The following MKX variants were observed in gnomAD, a reference collection of about 807,000 sequenced individuals.
The protein encoded by MKX is mohawk homeobox, also known as homeobox protein Mohawk.
In MKX, 13 loss-of-function variants were observed where a neutral mutation model predicts 36.0. That is an observed-to-expected ratio of 0.36 (90% CI 0.24 to 0.57). MKX has a LOEUF of 0.57. Among genes scored for constraint, MKX ranks in the 20% least tolerant of loss-of-function variants. The probability of loss-of-function intolerance (pLI) is 0.79; values close to 1 mark genes in which losing one functional copy is unlikely to be tolerated. For missense variants in MKX, 458 were observed against 456.4 expected (o/e 1.00, Z -0.03); for synonymous variants, 176 against 178.3 (o/e 0.99, Z 0.10).
chr10:27,737,092 G>T (rs1356696387), intron 3 of MKX, among the ~76,000 whole-genome samples: 1 of 152,130 alleles, frequency 6.6e-6, no homozygotes, highest in Non-Finnish European at 1.5e-5. Flanking sequence ...TAGCGGAAAA[G>T]AACTACACAT....
chr10:27,724,791 A>ACACACACACCCCC (rs775804611), intron 5 of MKX, among the ~76,000 whole-genome samples: 1 of 147,774 alleles, frequency 6.8e-6, no homozygotes, highest in South Asian at 2.2e-4. Context: ...ACACACACAC[A>ACACACACACCCCC]CCCCGCAGAA....
intron 3 of MKX, among the ~76,000 whole-genome samples, chr10:27,738,446 T>A (rs1834824755): frequency 6.6e-6 from 1 of 152,082 alleles, no homozygotes; most frequent in African/African-American, 2.4e-5. Flanking sequence ...CTTCAAATTG[T>A]ATTTTACATG....
intron 5 of MKX, among the ~76,000 whole-genome samples, chr10:27,678,515 A>G (rs1225577499): frequency 2.0e-5 from 3 of 152,244 alleles, no homozygotes; most frequent in African/African-American, 4.8e-5. Flanking sequence ...GCCATCTCAC[A>G]TAGGCGAAGG....
chr10:27,684,547 T>A lies in MKX; in HGVS notation c.839-8993A>T, dbSNP rs1836309808. Among the ~76,000 whole-genome samples the A allele has an allele frequency of 3.3e-5, 5 of 152,202 alleles. No homozygotes were observed. In the South Asian group the frequency reaches 1.0e-3, roughly 31 times the overall value. ...TTAAAAAGGCATAATTCTGGACATG[T>A]GTTATAACCTGCATTTTCTACTGAA... On this transcript the variant is annotated intron_variant, in intron 5 of 6. Coordinates refer to ENST00000419761, the MANE Select transcript of MKX (RefSeq NM_173576.3).
At chr10:27,686,444 AGGAAAG>A (rs1836355227) in intron 5 of MKX, among the ~76,000 whole-genome samples, 1 of 130,668 alleles carries the variant, frequency 7.7e-6, no homozygotes, top group South Asian at 2.5e-4. Flanking sequence ...GAAGGAAGGA[AGGAAAG>A]AGGGGGAAGA....
chr10:27,714,009 C>CAAAAAAAAAAAAAA lies in MKX; in HGVS notation c.838+20433_838+20446dup, dbSNP rs10632508. Among the ~76,000 whole-genome samples the CAAAAAAAAAAAAAA allele has an allele frequency of 2.0e-5, 2 of 102,524 alleles. 1 individual carries two copies. The highest frequency in any genetic ancestry group is 4.2e-5 in the Non-Finnish European group (2 of 47,636). The allele number at this position is 102,524 out of a possible 152,430, so 67.3% of individuals were successfully genotyped here. A position where few individuals can be genotyped will look rare whatever the true frequency, so the allele number is the denominator to read the frequency against. ...GAGTACAGCAAATTTGTGCAAAGAC[C>CAAAAAAAAAAAAAA]AAAAAAAAAAAAAAAAAAAAGAGGC... On this transcript the variant is annotated intron_variant, in intron 5 of 6. Transcript: ENST00000419761.
At chr10:27,723,281 A>G (rs1055796786) in intron 5 of MKX, among the ~76,000 whole-genome samples, 2 of 152,168 alleles carry the variant, frequency 1.3e-5, no homozygotes, top group African/African-American at 4.8e-5. Context: ...ATATTTCTAA[A>G]AAGGTCTAAA....
In MKX at chr10:27,741,540, G is replaced by C. The variant is rs202170286; in HGVS notation, c.189-36C>G. 7.2e-6 allele frequency: 11 copies of C among 1,535,928 alleles called. No individual in the cohort carries two copies. The East Asian group carries it at 2.1e-4, about 30-fold the overall frequency. On this transcript the variant is annotated intron_variant, in intron 2 of 6. Coordinates refer to ENST00000419761, the MANE Select transcript of MKX (RefSeq NM_173576.3). The surrounding 1 kb of genome is among the most constrained non-coding windows in gnomAD (Gnocchi z 5.1). ...GGGAGAGGAGGCGGCCCTGGTGAGC[G>C]ACGCGTTTGCCCGCCCGGACGCTCC... is the stretch of plus-strand genomic sequence containing the variant.
chr10:27,699,820 G>C (rs965132615), intron 5 of MKX, among the ~76,000 whole-genome samples: 1 of 152,008 alleles, frequency 6.6e-6, no homozygotes, highest in African/African-American at 2.4e-5. Flanking sequence ...TTGTTAATTT[G>C]AAACAAAAAA....
In MKX at chr10:27,743,354, G is replaced by A; in HGVS notation, c.62C>T (p.Ser21Leu). 3.2e-6 allele frequency: 5 copies of A among 1,580,516 alleles called. No individual in the cohort carries two copies. Among genetic ancestry groups the A allele is most frequent in the Non-Finnish European group, 4.3e-6 (5 of 1,166,010 alleles). Reference sequence around the variant, plus strand: ...GGGCCGGCCACCCCGCTCCCGCTCCGAGGCGCCTCCGTCCTCAAACAGCAC... The same window carrying A: ...GGGCCGGCCACCCCGCTCCCGCTCCAAGGCGCCTCCGTCCTCAAACAGCAC... ...GAVLFEDGGA[S>L]ERERGGRPYS... The change falls in exon 2 of 7, where the codon TCG becomes TTG. Residue 21 changes from serine (S) to leucine (L), a missense_variant. By Grantham distance (145) the Ser-to-Leu change is moderately radical. This residue lies in a region of MKX where 149 missense variants were observed against 114.3 expected (regional missense o/e 1.30). Transcript: ENST00000419761.
chr10:27,684,361 T>G (rs1423428454), intron 5 of MKX, among the ~76,000 whole-genome samples: 1 of 152,058 alleles, frequency 6.6e-6, no homozygotes, highest in Non-Finnish European at 1.5e-5. Context: ...CACACACATA[T>G]ATAAATATAG....
Position 27,676,380 on chromosome 10 carries a change from CT to C in MKX, c.839-827del, listed in dbSNP as rs1176984277. Among the ~76,000 whole-genome samples the C allele has an allele frequency of 3.5e-3, 446 of 127,748 alleles. 2 individuals carry two copies. Among genetic ancestry groups the C allele is most frequent in the African/African-American group, 8.8e-3 (266 of 30,348 alleles). 83.8% of individuals were successfully genotyped at this position (127,748 alleles called of 152,430 possible). The stretch of plus-strand genomic sequence containing the variant: ...TTATCAAATTTTCTTTTTTCTTTTT[CT>C]TTTTTTTTTTTTTTGAGATGGAGGC... On this transcript the variant is annotated intron_variant, in intron 5 of 6. Coordinates refer to ENST00000419761, the MANE Select transcript of MKX (RefSeq NM_173576.3).
At chr10:27,714,511 C>A (rs1311535850) in intron 5 of MKX, among the ~76,000 whole-genome samples, 1 of 152,152 alleles carries the variant, frequency 6.6e-6, no homozygotes, top group African/African-American at 2.4e-5. Flanking sequence ...CTCATCAAGA[C>A]AACATTTTTG....
chr10:27,715,307 C>A (rs545749858), intron 5 of MKX, among the ~76,000 whole-genome samples: 54 of 152,302 alleles, frequency 3.5e-4, no homozygotes, highest in African/African-American at 8.2e-4. Flanking sequence ...ATGCCACCGG[C>A]CTGTGCTACA....
chr10:27,730,162 T>A (rs1411752946), intron 5 of MKX, among the ~76,000 whole-genome samples: 1 of 152,222 alleles, frequency 6.6e-6, no homozygotes, highest in African/African-American at 2.4e-5. Context: ...GCAATGACCT[T>A]AATAACTCTG....
intron 5 of MKX, among the ~76,000 whole-genome samples, chr10:27,688,902 C>T (rs1388107391): frequency 1.3e-5 from 2 of 152,088 alleles, no homozygotes; most frequent in African/African-American, 4.8e-5. Flanking sequence ...TGGTGTTAGG[C>T]TACAAAGGAC....
intron 5 of MKX, among the ~76,000 whole-genome samples, chr10:27,676,213 G>A (rs1836145915): frequency 6.6e-6 from 1 of 150,918 alleles, no homozygotes; most frequent in South Asian, 2.1e-4. Flanking sequence ...GGGTGAAGGT[G>A]CAGTAAGCAG....
At chr10:27,688,318 A>G (rs548465963) in intron 5 of MKX, among the ~76,000 whole-genome samples, 1 of 152,226 alleles carries the variant, frequency 6.6e-6, no homozygotes, top group Non-Finnish European at 1.5e-5. Context: ...CCATTATGTA[A>G]GGAGAAAATA....
intron 5 of MKX, among the ~76,000 whole-genome samples, chr10:27,711,429 C>CTT (rs1399262532): frequency 0.01 from 1,170 of 114,564 alleles, 11 homozygotes; most frequent in East Asian, 0.051. Flanking sequence ...TCTTTCTTTT[C>CTT]TCTTTCTTTC....
Sources: allele counts gnomAD v4.1 joint callset (sites outside exome capture counted in the v4.1 genomes callset), GRCh38; gene constraint gnomAD v4.1.1; regional missense constraint gnomAD v4.1.1; non-coding constraint Gnocchi (gnomAD v3.1); transcripts MANE v1.5; gene names NCBI Gene and HGNC (gene_info 2026-07-23, HGNC 2026-07-21).